Variants in DCDC1 observed in about 807,000 individuals in gnomAD.
DCDC1 encodes the protein doublecortin domain-containing protein 1.
In DCDC1, 200 loss-of-function variants were observed where a neutral mutation model predicts 178.3. The ratio of observed to expected loss-of-function variants is 1.12; its 90% CI spans 1.00 to 1.26. The LOEUF is 1.26. Ranked by LOEUF, DCDC1 falls within the 50% of genes most tolerant of loss-of-function variation. The pLI is 0.00. For synonymous variants in DCDC1, 690 were observed against 604.8 expected (o/e 1.14, Z -2.07); for missense variants, 1,983 against 1,749.2 (o/e 1.13, Z -2.38).
chr11:30,891,234 C>G (rs551474526), intron 36 of DCDC1, among the ~76,000 whole-genome samples: 1 of 152,174 alleles, frequency 6.6e-6, no homozygotes, highest in Non-Finnish European at 1.5e-5. Context: ...AAAAATATTT[C>G]CACAGACATA....
At chr11:31,143,974 G>A (rs1480003201) in intron 9 of DCDC1, among the ~76,000 whole-genome samples, 1 of 152,054 alleles carries the variant, frequency 6.6e-6, no homozygotes, top group African/African-American at 2.4e-5. Context: ...AAGAGAGAAG[G>A]TATAAAAGAA....
intron 21 of DCDC1, among the ~76,000 whole-genome samples, chr11:30,933,223 C>A (rs1409074790): frequency 6.6e-6 from 1 of 150,640 alleles, no homozygotes. Context: ...CCTTTTTTTT[C>A]TTTTTTTGGG....
intron 9 of DCDC1, among the ~76,000 whole-genome samples, chr11:31,212,082 C>CAA (rs34957766): frequency 0.012 from 1,082 of 90,014 alleles, 10 homozygotes; most frequent in African/African-American, 0.041. Context: ...GACTCAGTCT[C>CAA]AAAAAAAAAA....
At chr11:31,265,798 C>T (rs1011808951) in intron 7 of DCDC1, among the ~76,000 whole-genome samples, 198 bp from the exon 8 acceptor site, 9 of 149,568 alleles carry the variant, frequency 6.0e-5, no homozygotes, top group Non-Finnish European at 1.2e-4. Context: ...TAAAAAAACA[C>T]GTAAGTATTA....
intron 20 of DCDC1, among the ~76,000 whole-genome samples, chr11:31,026,549 G>A (rs1185651092): frequency 6.6e-6 from 1 of 151,780 alleles, no homozygotes; most frequent in African/African-American, 2.4e-5. Flanking sequence ...ATCAGTGACT[G>A]TACAAATTCT....
chr11:31,215,382 T>C (rs1180689368), intron 9 of DCDC1: 1 of 151,526 alleles, frequency 6.6e-6, no homozygotes, highest in Non-Finnish European at 1.5e-5. Flanking sequence ...AAGATACACA[T>C]GCATGATATA....
At chr11:31,092,449 C>T (rs1957874769) in intron 16 of DCDC1, among the ~76,000 whole-genome samples, 1 of 152,180 alleles carries the variant, frequency 6.6e-6, no homozygotes, top group African/African-American at 2.4e-5. Flanking sequence ...TACCAGACAC[C>T]ATGCTTGAAC....
intron 20 of DCDC1, among the ~76,000 whole-genome samples, chr11:31,009,897 G>C (rs1952072142): frequency 6.6e-6 from 1 of 152,152 alleles, no homozygotes; most frequent in African/African-American, 2.4e-5. Flanking sequence ...TCACAAGGCG[G>C]CAGGACTGAG....
intron 3 of DCDC1, among the ~76,000 whole-genome samples, chr11:31,325,242 A>G (rs1192875889): frequency 6.6e-6 from 1 of 152,128 alleles, no homozygotes; most frequent in African/African-American, 2.4e-5. Context: ...ATGCCTGGAT[A>G]CCTGTTACTA....
At chr11:30,987,314 G>A (rs1054610868) in intron 20 of DCDC1, among the ~76,000 whole-genome samples, 1 of 152,118 alleles carries the variant, frequency 6.6e-6, no homozygotes, top group East Asian at 1.9e-4. Flanking sequence ...ACCGCACCCA[G>A]GCTATTTCTT....
intron 17 of DCDC1, among the ~76,000 whole-genome samples, chr11:31,085,988 C>A (rs923858253): frequency 6.6e-6 from 1 of 152,138 alleles, no homozygotes; most frequent in African/African-American, 2.4e-5. Context: ...CTCCCTCAGC[C>A]TCCCAAAGTT....
At chr11:31,357,205 T>C (rs977474525) in intron 1 of DCDC1, among the ~76,000 whole-genome samples, 14 of 152,006 alleles carry the variant, frequency 9.2e-5, no homozygotes, top group South Asian at 2.1e-4. Context: ...ACTGGCAAAC[T>C]GAATCCAGCA....
intron 6 of DCDC1, among the ~76,000 whole-genome samples, chr11:31,291,650 C>A (rs1158646880): frequency 1.3e-5 from 2 of 152,186 alleles, no homozygotes; most frequent in Non-Finnish European, 2.9e-5. Flanking sequence ...TGCACCTGAG[C>A]TATTTATTTG....
intron 9 of DCDC1, among the ~76,000 whole-genome samples, chr11:31,140,026 T>C (rs953054671): frequency 6.6e-6 from 1 of 152,166 alleles, no homozygotes; most frequent in African/African-American, 2.4e-5. Context: ...AAAGTCAAAT[T>C]AAGAAAGGGC....
At chr11:31,352,587 A>G (rs1347560524) in intron 1 of DCDC1, among the ~76,000 whole-genome samples, 1 of 152,190 alleles carries the variant, frequency 6.6e-6, no homozygotes, top group East Asian at 1.9e-4. Flanking sequence ...TTTCCTATCT[A>G]CAATGTACAA....
chr11:31,251,006 GCCTC>G (rs1329592831), intron 8 of DCDC1, among the ~76,000 whole-genome samples: 4 of 152,048 alleles, frequency 2.6e-5, no homozygotes, highest in Non-Finnish European at 5.9e-5. Context: ...ATCCACCTCA[GCCTC>G]CCAAAGTGCT....
In DCDC1 at chr11:30,894,399, C is replaced by A. The variant is rs1944037208; in HGVS notation, c.4766-15G>T. ...TACTCGCCGCCCTGAGGAAACAAGT[C>A]TCTAGAAATTTTGTTTCTGATGATA... On this transcript the variant is annotated splice_polypyrimidine_tract_variant and intron_variant, in intron 34 of 38. Transcript: ENST00000684477. The A allele has an allele frequency of 6.2e-7, 1 of 1,603,752 alleles. No homozygotes were observed. Among genetic ancestry groups the A allele is most frequent in the Admixed American group, 1.8e-5 (1 of 56,948 alleles).
chr11:31,095,667 T>C (rs749946664), intron 15 of DCDC1, among the ~76,000 whole-genome samples: 3 of 152,078 alleles, frequency 2.0e-5, no homozygotes, highest in South Asian at 4.1e-4. Context: ...GGGGGAGACA[T>C]TGCACCCACA....
chr11:31,362,391 C>T (rs1401503479), intron 1 of DCDC1, among the ~76,000 whole-genome samples: 1 of 152,178 alleles, frequency 6.6e-6, no homozygotes, highest in Non-Finnish European at 1.5e-5. Flanking sequence ...ATGTATCTGA[C>T]TGCCTTTCTC....
Sources: gnomAD v4.1 joint callset for allele counts (sites outside exome capture counted in the v4.1 genomes callset) on GRCh38, gnomAD v4.1.1 for gene constraint, MANE v1.5 for transcripts, NCBI Gene and HGNC (gene_info 2026-07-23, HGNC 2026-07-21) for gene names.